The following RBM3 variants were observed in gnomAD, a reference collection of about 807,000 sequenced individuals.
The protein encoded by RBM3 is RNA-binding protein 3.
In RBM3, 3 loss-of-function variants were observed where a neutral mutation model predicts 12.0. The observed-to-expected ratio is 0.25, with a 90% CI of 0.11 to 0.65. The LOEUF (loss-of-function observed/expected upper bound fraction) is 0.65. RBM3 is among the 30% of genes least tolerant of loss of function. RBM3 has a pLI of 0.84. For missense variants in RBM3, 108 were observed against 134.5 expected (o/e 0.80, Z 0.97); for synonymous variants, 58 against 45.7 (o/e 1.27, Z -1.08).
At chrX:48,576,144 C>G in intron 3 of RBM3, 170 bp from the exon 4 acceptor site, 1 of 1,163,550 alleles carries the variant, frequency 8.6e-7, no homozygotes, top group Non-Finnish European at 1.1e-6. Context: ...TTCTATAGCT[C>G]CTGATGAAGC....
intron 4 of RBM3, 28 bp from the exon 5 acceptor site, chrX:48,576,480 C>G: frequency 8.4e-7 from 1 of 1,194,555 alleles, no homozygotes. Flanking sequence ...GTGTGGACAA[C>G]TGCCATTTAA....
At position 48,579,377 on chromosome X, in the gene RBM3, G is replaced by A. The variant is rs1173298720; in HGVS notation, c.*1936G>A. 8.9e-6 allele frequency among the ~76,000 whole-genome samples: 1 copy of A among 111,974 alleles called. No homozygotes were observed. Among genetic ancestry groups the A allele is most frequent in the Non-Finnish European group, 1.9e-5 (1 of 53,185 alleles). ...TTATTAGTTCCAGTCCTGGAGGCCT[G>A]CCTCCTGAGTTTCCCAGCTAGTTGG... On this transcript the variant is annotated 3_prime_UTR_variant, in exon 7 of 7. Transcript: ENST00000376759.
At chrX:48,575,453 C>A in intron 2 of RBM3, 108 bp from the exon 3 acceptor site, 1 of 799,151 alleles carries the variant, frequency 1.3e-6, no homozygotes, top group Non-Finnish European at 1.8e-6. Flanking sequence ...TTAGTGGGAG[C>A]GCTCCGTTTT....
intron 4 of RBM3, 42 bp from the exon 5 acceptor site, chrX:48,576,466 C>G: frequency 8.3e-7 from 1 of 1,197,696 alleles, no homozygotes; most frequent in African/African-American, 1.7e-5. Context: ...GGAGAGTTGC[C>G]TATGTGTGGA....
At position 48,576,405 on chromosome X, in the gene RBM3, G is replaced by A. The variant is rs782421005; in HGVS notation, c.302G>A (p.Arg101His). 9.1e-6 allele frequency: 11 copies of A among 1,210,129 alleles called. No homozygotes were observed. Among genetic ancestry groups the A allele is most frequent in the Non-Finnish European group, 1.2e-5 (11 of 894,818 alleles). Residue 101 changes from arginine to histidine, a missense_variant, in exon 4 of 7, where the codon CGC (arginine) becomes CAC (histidine). Transcript: ENST00000376759. ...GGGFGAHGRG[R>H]SYSRGGGDQG... ...GGCTTTGGGGCCCATGGGCGTGGTCGCAGCTACTCTAGAGGTGAGTGCAGT... is the reference window on the plus strand; with the variant it reads ...GGCTTTGGGGCCCATGGGCGTGGTCACAGCTACTCTAGAGGTGAGTGCAGT...
intron 2 of RBM3, 84 bp from the exon 3 acceptor site, chrX:48,575,477 A>G (rs961745330): frequency 6.5e-6 from 6 of 920,425 alleles, no homozygotes; most frequent in South Asian, 4.5e-5. Context: ...TACCTATGCC[A>G]TCTCCTTTTC....
chrX:48,575,319 G>A, intron 2 of RBM3, 36 bp downstream of exon 2: 2 of 1,120,901 alleles, frequency 1.8e-6, no homozygotes, highest in South Asian at 3.8e-5. Context: ...GGGTTGGTGA[G>A]AGAAAGTCTG....
In RBM3 at chrX:48,579,514, A is replaced by T. The variant is rs7879764; in HGVS notation, c.*2073A>T. ...TCACCCACTAAGCCAGGCCCAGGCT[A>T]TGGGGCATTGTGGCTAACCCCACCA... On this transcript the variant is annotated 3_prime_UTR_variant, in exon 7 of 7. Transcript: ENST00000376759. 9.0e-6 allele frequency among the ~76,000 whole-genome samples: 1 copy of T among 110,759 alleles called. No homozygotes were observed. Among genetic ancestry groups the T allele is most frequent in the African/African-American group, 3.3e-5 (1 of 30,539 alleles).
At position 48,579,378 on chromosome X, in the gene RBM3, C is replaced by T. The variant is rs1467650372; in HGVS notation, c.*1937C>T. On this transcript the variant is annotated 3_prime_UTR_variant, in exon 7 of 7. Coordinates refer to ENST00000376759, the MANE Select transcript of RBM3 (RefSeq NM_006743.5). ...TATTAGTTCCAGTCCTGGAGGCCTG[C>T]CTCCTGAGTTTCCCAGCTAGTTGGG... 8.9e-6 allele frequency among the ~76,000 whole-genome samples: 1 copy of T among 112,066 alleles called. No homozygotes were observed. The highest frequency in any genetic ancestry group is 1.9e-5 in the Non-Finnish European group (1 of 53,222).
Position 48,574,532 on chromosome X carries a change from G to A in RBM3, c.-55G>A, listed in dbSNP as rs782012457. On this transcript the variant is annotated 5_prime_UTR_variant, in exon 1 of 7. Transcript: ENST00000376759. Reference sequence around the variant, plus strand: ...CCGTCCCTGTTTTTTGTGCTCCTCCGAGCTCGCTGTTCGTCCGGGTTTTTT... The same window carrying A: ...CCGTCCCTGTTTTTTGTGCTCCTCCAAGCTCGCTGTTCGTCCGGGTTTTTT... 1 of 331,183 alleles carries A rather than the reference G, an allele frequency of 3.0e-6. No homozygotes were observed. The highest frequency in any genetic ancestry group is 2.6e-5 in the African/African-American group (1 of 38,013). 27.3% of individuals were successfully genotyped at this position (331,183 alleles called of 1,213,427 possible).
At chrX:48,574,606 C>T (rs782368021) in intron 1 of RBM3, 33 bp downstream of exon 1, 2 of 331,907 alleles carry the variant, frequency 6.0e-6, no homozygotes, top group South Asian at 2.6e-5. Flanking sequence ...AACGGCGGCT[C>T]CTCGCCACAC....
chrX:48,576,800 T>C (rs2147208319), intron 5 of RBM3, among the ~76,000 whole-genome samples, 196 bp downstream of exon 5: 1 of 112,364 alleles, frequency 8.9e-6, no homozygotes, highest in African/African-American at 3.2e-5. Context: ...TTGTGCTGTG[T>C]GGGTTATATA....
At chrX:48,574,603 G>C (rs1322741931) in intron 1 of RBM3, 30 bp downstream of exon 1, 3 of 331,080 alleles carry the variant, frequency 9.1e-6, no homozygotes, top group African/African-American at 2.6e-5. Flanking sequence ...CGAAACGGCG[G>C]CTCCTCGCCA....
intron 3 of RBM3, 49 bp downstream of exon 3, chrX:48,575,716 T>G (rs2062077360): frequency 9.0e-7 from 1 of 1,108,284 alleles, no homozygotes; most frequent in Admixed American, 2.4e-5. Context: ...TGCGGCTTCC[T>G]TCATTCTTTT....
In RBM3 at chrX:48,576,404, C is replaced by T. The variant is rs868938265; in HGVS notation, c.301C>T (p.Arg101Cys). The change falls in exon 4 of 7, where the codon CGC (arginine) becomes TGC (cysteine). Residue 101 changes from arginine (R) to cysteine (C), a missense_variant. Around this residue, in one of 2 missense-constraint regions of RBM3, gnomAD observed 65 missense variants for 54.9 expected, o/e 1.18. Transcript: ENST00000376759. ...GGGFGAHGRGRSYSRGGGDQG... is the reference protein window; with the variant it reads ...GGGFGAHGRGCSYSRGGGDQG... ...TGGCTTTGGGGCCCATGGGCGTGGTCGCAGCTACTCTAGAGGTGAGTGCAG... is the reference window on the plus strand; with the variant it reads ...TGGCTTTGGGGCCCATGGGCGTGGTTGCAGCTACTCTAGAGGTGAGTGCAG... 8 of 1,207,962 alleles carry T rather than the reference C, an allele frequency of 6.6e-6. No individual in the cohort carries two copies. The African/African-American group carries it at 1.1e-4, about 16-fold the overall frequency.
rs782309826 is a variant in RBM3, at chrX:48,579,493, C to G, written c.*2052C>G. 1.8e-5 allele frequency among the ~76,000 whole-genome samples: 2 copies of G among 111,823 alleles called. No homozygotes were observed. Among genetic ancestry groups the G allele is most frequent in the South Asian group, 7.4e-4 (2 of 2,695 alleles). On this transcript the variant is annotated 3_prime_UTR_variant, in exon 7 of 7. Transcript: ENST00000376759. Reference sequence around the variant, plus strand: ...GGAGACTTGGGAACTTCCACCTCACCCACTAAGCCAGGCCCAGGCTATGGG... The same window carrying G: ...GGAGACTTGGGAACTTCCACCTCACGCACTAAGCCAGGCCCAGGCTATGGG...
rs2062072769 is a variant in RBM3 at position 48,574,847 on chromosome X, G to A, written c.-14+274G>A. The A allele has an allele frequency of 5.5e-6, 2 of 361,763 alleles. 1 individual carries two copies. The highest frequency in any genetic ancestry group is 5.1e-5 in the African/African-American group (2 of 39,159). The allele number at this position is 361,763 out of a possible 1,213,427, so 29.8% of individuals were successfully genotyped here. ...CCGACACTTACTTTCCTTATCCCAC[G>A]TGGCCGCCGCCATCTTGTTCTGCCG... is the stretch of plus-strand genomic sequence containing the variant. On this transcript the variant is annotated intron_variant, in intron 1 of 6. Coordinates refer to ENST00000376759, the MANE Select transcript of RBM3 (RefSeq NM_006743.5).
chrX:48,577,161 G>A (rs781851358), intron 6 of RBM3, 52 bp downstream of exon 6: 40 of 1,203,267 alleles, frequency 3.3e-5, no homozygotes, highest in Non-Finnish European at 3.8e-5. Context: ...ACTCTGTCAT[G>A]ACCCTCTCAC....
intron 6 of RBM3, 101 bp downstream of exon 6, chrX:48,577,210 A>G: frequency 8.6e-7 from 1 of 1,166,396 alleles, no homozygotes; most frequent in Middle Eastern, 2.4e-4. Context: ...TGCTGCCCTC[A>G]TACCTCACCC....
Sources: gnomAD v4.1 joint callset for allele counts (sites outside exome capture counted in the v4.1 genomes callset) on GRCh38, gnomAD v4.1.1 for gene constraint, gnomAD v4.1.1 regional missense constraint, MANE v1.5 for transcripts, NCBI Gene and HGNC (gene_info 2026-07-23, HGNC 2026-07-21) for gene names.